The following FARSB variants were observed in gnomAD, a reference collection of about 807,000 sequenced individuals.
FARSB encodes phenylalanyl-tRNA synthetase subunit beta.
In FARSB, 40 loss-of-function variants were observed where a neutral mutation model predicts 69.6. The observed-to-expected ratio is 0.57, with a 90% CI of 0.45 to 0.75. The LOEUF (loss-of-function observed/expected upper bound fraction) is 0.75. Among genes scored for constraint, FARSB ranks in the 30% least tolerant of loss-of-function variants. The probability of loss-of-function intolerance (pLI) is 0.00; values close to 1 mark genes in which losing one functional copy is unlikely to be tolerated. For missense variants in FARSB, 632 were observed against 722.9 expected (o/e 0.87, Z 1.44); for synonymous variants, 235 against 247.2 (o/e 0.95, Z 0.46).
intron 15 of FARSB, among the ~76,000 whole-genome samples, chr2:222,601,593 T>G (rs1450599953): frequency 6.6e-6 from 1 of 152,212 alleles, no homozygotes; most frequent in African/African-American, 2.4e-5. Flanking sequence ...CTTCCCAGTT[T>G]TTCCATGATT....
intron 8 of FARSB, among the ~76,000 whole-genome samples, chr2:222,631,182 C>T (rs1322677935): frequency 6.9e-6 from 1 of 144,194 alleles, no homozygotes; most frequent in Non-Finnish European, 1.5e-5. Flanking sequence ...TCGCCAGTTC[C>T]TTTTTTTTTT....
chr2:222,585,579 C>G (rs1414501592), intron 16 of FARSB, among the ~76,000 whole-genome samples: 1 of 152,166 alleles, frequency 6.6e-6, no homozygotes, highest in Non-Finnish European at 1.5e-5. Flanking sequence ...CTTCTCTGAG[C>G]TAAAGGAGGA....
intron 10 of FARSB, among the ~76,000 whole-genome samples, chr2:222,628,093 T>C (rs1235879806): frequency 1.3e-5 from 2 of 152,214 alleles, no homozygotes; most frequent in East Asian, 1.9e-4. Context: ...TAATAATACA[T>C]TTGAAATTAT....
chr2:222,616,893 G>A lies in FARSB; in HGVS notation c.1344+2752C>T, dbSNP rs141064120. On this transcript the variant is annotated intron_variant, in intron 14 of 16. Transcript: ENST00000281828. ...AAATTAATGATGGTAGGACTCACCT[G>A]TTGGTAAAGCAAGGTAAAATATAGA... Among the ~76,000 whole-genome samples, 1,064 of 152,218 alleles carry A rather than the reference G, an allele frequency of 7.0e-3. 13 individuals carry two copies. The highest frequency in any genetic ancestry group is 0.023 in the African/African-American group (975 of 41,566).
At chr2:222,644,541 G>T in intron 2 of FARSB, 1 of 455,270 alleles carries the variant, frequency 2.2e-6, no homozygotes, top group Non-Finnish European at 4.4e-6. Context: ...TCACCTCCCA[G>T]GAGATGGCAG....
chr2:222,596,730 G>A (rs773163262), intron 16 of FARSB, among the ~76,000 whole-genome samples: 1 of 152,002 alleles, frequency 6.6e-6, no homozygotes, highest in Non-Finnish European at 1.5e-5. Flanking sequence ...AAATTCCTGT[G>A]TTTACTGATT....
chr2:222,628,801 T>C (rs1339860859), intron 10 of FARSB, 36 bp downstream of exon 10: 4 of 1,405,098 alleles, frequency 2.8e-6, no homozygotes, highest in South Asian at 1.2e-5. Flanking sequence ...ATTAGCATTG[T>C]TGTCATAATC....
intron 16 of FARSB, among the ~76,000 whole-genome samples, chr2:222,599,232 C>A (rs1221076062): frequency 6.6e-6 from 1 of 152,132 alleles, no homozygotes; most frequent in Non-Finnish European, 1.5e-5. Context: ...TGAAATATTT[C>A]TCTCAAGTTG....
Position 222,628,850 on chromosome 2 carries a change from G to A in FARSB, c.887C>T (p.Ser296Leu), listed in dbSNP as rs1691342142. ...AAEVVFPNGK[S>L]HTFPELAYRK... is the part of the protein sequence containing the mutation. Reference sequence around the variant, plus strand: ...TTAAGCACTTACTGGAAAGGTATGTGATTTTCCATTAGGAAAAACCACTTC... The same window carrying A: ...TTAAGCACTTACTGGAAAGGTATGTAATTTTCCATTAGGAAAAACCACTTC... Residue 296 changes from serine (S) to leucine (L), a missense_variant, in exon 10 of 17, where the codon TCA becomes TTA. Transcript: ENST00000281828. The A allele has an allele frequency of 6.2e-7, 1 of 1,606,294 alleles. No homozygotes were observed. The highest frequency in any genetic ancestry group is 1.3e-5 in the African/African-American group (1 of 74,830).
At chr2:222,595,180 T>C (rs1413586491) in intron 16 of FARSB, among the ~76,000 whole-genome samples, 2 of 152,210 alleles carry the variant, frequency 1.3e-5, no homozygotes, top group Non-Finnish European at 2.9e-5. Context: ...GGTAACTAAA[T>C]GTGGGCATGC....
At position 222,569,631 on chromosome 2, in the gene FARSB, C is replaced by G. The variant is rs1244517936; in HGVS notation, c.*2240G>C. The stretch of plus-strand genomic sequence containing the variant: ...TTTCCATCACCCCAAAAAGTTTTCT[C>G]TTAACCCACTGCAGTCAGTTCTCTT... On this transcript the variant is annotated 3_prime_UTR_variant, in exon 17 of 17. Coordinates refer to ENST00000281828, the MANE Select transcript of FARSB (RefSeq NM_005687.5). 6.6e-6 allele frequency: 1 copy of G among 152,180 alleles called. No homozygotes were observed. Among genetic ancestry groups the G allele is most frequent in the Non-Finnish European group, 1.5e-5 (1 of 68,032 alleles). The allele number at this position is 152,180 out of a possible 1,614,324, so 9.4% of individuals were successfully genotyped here. A position where few individuals can be genotyped will look rare whatever the true frequency, so the allele number is the denominator to read the frequency against.
At chr2:222,631,459 CTCTA>C (rs1691422297) in intron 8 of FARSB, 141 bp downstream of exon 8, 2 of 643,826 alleles carry the variant, frequency 3.1e-6, no homozygotes, top group Non-Finnish European at 2.8e-6. Flanking sequence ...TGTAGAATAT[CTCTA>C]TCTTTTTAAT....
intron 12 of FARSB, 119 bp downstream of exon 12, chr2:222,624,153 C>T (rs1691208111): frequency 2.8e-6 from 2 of 708,872 alleles, no homozygotes; most frequent in Admixed American, 4.4e-5. Context: ...AAATGCCTCT[C>T]ATTGCAGAGC....
At chr2:222,621,106 C>A (rs1308240837) in intron 13 of FARSB, among the ~76,000 whole-genome samples, 1 of 152,168 alleles carries the variant, frequency 6.6e-6, no homozygotes, top group Non-Finnish European at 1.5e-5. Flanking sequence ...TGACATGAAG[C>A]AATCTATTCT....
chr2:222,640,100 T>G (rs1691681966), intron 4 of FARSB, among the ~76,000 whole-genome samples: 2 of 152,198 alleles, frequency 1.3e-5, no homozygotes, highest in East Asian at 3.8e-4. Context: ...TTTGTTCTTT[T>G]TCATTCCTAG....
chr2:222,572,258 G>A (rs1689736313), intron 16 of FARSB, among the ~76,000 whole-genome samples: 1 of 152,108 alleles, frequency 6.6e-6, no homozygotes, highest in Non-Finnish European at 1.5e-5. Flanking sequence ...TGTATTTTTG[G>A]TAACAGGGAC....
Position 222,570,436 on chromosome 2 carries a change from T to A in FARSB, c.*1435A>T, listed in dbSNP as rs563456755. On this transcript the variant is annotated 3_prime_UTR_variant, in exon 17 of 17. Coordinates refer to ENST00000281828, the MANE Select transcript of FARSB (RefSeq NM_005687.5). Reference sequence around the variant, plus strand: ...TAGACACTGCTGCCCCAATTCAAGGTTGTAATATGGTCAGGTTTTCTCCTA... The same window carrying A: ...TAGACACTGCTGCCCCAATTCAAGGATGTAATATGGTCAGGTTTTCTCCTA... 8 of 152,234 alleles carry A rather than the reference T, an allele frequency of 5.3e-5. No homozygotes were observed. The highest frequency in any genetic ancestry group is 1.4e-4 in the African/African-American group (6 of 41,544). 9.4% of individuals were successfully genotyped at this position (152,234 alleles called of 1,614,324 possible).
chr2:222,589,858 G>C (rs1164756741), intron 16 of FARSB, among the ~76,000 whole-genome samples: 1 of 152,126 alleles, frequency 6.6e-6, no homozygotes, highest in Non-Finnish European at 1.5e-5. Context: ...TAAAAAGTCA[G>C]GAAACAACAG....
At chr2:222,631,890 C>T (rs368202657) in intron 7 of FARSB, among the ~76,000 whole-genome samples, 4 of 152,184 alleles carry the variant, frequency 2.6e-5, no homozygotes, top group African/African-American at 7.2e-5. Context: ...CTAACTAACA[C>T]AGAGAAACCC....
Sources: gnomAD v4.1 joint callset for allele counts (sites outside exome capture counted in the v4.1 genomes callset) on GRCh38, gnomAD v4.1.1 for gene constraint, MANE v1.5 for transcripts, NCBI Gene and HGNC (gene_info 2026-07-23, HGNC 2026-07-21) for gene names.